Variants in UNC13C observed in about 807,000 individuals in gnomAD.
UNC13C encodes the protein unc-13 homolog C.
Under a neutral mutation model 245.4 loss-of-function variants are expected in UNC13C, and 174 were observed. That is an observed-to-expected ratio of 0.71 (90% confidence interval 0.63 to 0.80). The LOEUF is 0.80. Among genes scored for constraint, UNC13C ranks in the 30% least tolerant of loss-of-function variants. The pLI is 0.00. For missense variants in UNC13C, 2,829 were observed against 2,602.9 expected (o/e 1.09, Z -1.89); for synonymous variants, 992 against 895.1 (o/e 1.11, Z -1.93).
rs1894111763 is a variant in UNC13C at position 54,499,696 on chromosome 15, G to A, written c.5061-383G>A. Among the ~76,000 whole-genome samples, 3 of 152,094 alleles carry A rather than the reference G, an allele frequency of 2.0e-5. No individual in the cohort carries two copies. In the South Asian group the frequency reaches 6.2e-4, roughly 31 times the overall value. On this transcript the variant is annotated intron_variant, in intron 20 of 32. Coordinates refer to ENST00000260323, the MANE Select transcript of UNC13C (RefSeq NM_001080534.3). The stretch of plus-strand genomic sequence containing the variant: ...GAGTCTGAGGTAAGCACCCACGATC[G>A]GTTACAGATTAGTGTGAATGGGTAG...
At chr15:54,378,503 C>G (rs1348821116) in intron 17 of UNC13C, among the ~76,000 whole-genome samples, 2 of 151,926 alleles carry the variant, frequency 1.3e-5, no homozygotes, top group Non-Finnish European at 2.9e-5. Flanking sequence ...TCAATTACTA[C>G]AGCATATACC....
At chr15:54,165,412 AC>A (rs940317596) in intron 4 of UNC13C, among the ~76,000 whole-genome samples, 3 of 152,130 alleles carry the variant, frequency 2.0e-5, no homozygotes, top group Admixed American at 6.5e-5. Context: ...TTGAATTCTC[AC>A]AACTATATTA....
At chr15:54,125,701 T>A (rs985109654) in intron 2 of UNC13C, among the ~76,000 whole-genome samples, 1 of 152,210 alleles carries the variant, frequency 6.6e-6, no homozygotes, top group Admixed American at 6.5e-5. Flanking sequence ...AGTGTCAGAT[T>A]TTGCTTTATC....
chr15:54,114,403 A>G (rs1044578137), intron 2 of UNC13C, among the ~76,000 whole-genome samples: 4 of 152,146 alleles, frequency 2.6e-5, no homozygotes, highest in African/African-American at 4.8e-5. Flanking sequence ...CTATTCATAA[A>G]TATAGTAGAA....
At chr15:53,945,997 C>G in the UNC13C span, among the ~76,000 whole-genome samples, 24 of 152,052 alleles carry the variant, frequency 1.6e-4, no homozygotes, top group African/African-American at 5.5e-4. Flanking sequence ...GTTTTTTATT[C>G]TTTTTGTAGC....
intron 4 of UNC13C, among the ~76,000 whole-genome samples, chr15:54,181,380 C>A (rs1414644605): frequency 6.6e-6 from 1 of 152,034 alleles, no homozygotes; most frequent in Non-Finnish European, 1.5e-5. Context: ...GTACAAGTAC[C>A]AAGCTGCTTT....
chr15:54,494,664 G>T lies in UNC13C; in HGVS notation c.4990G>T (p.Val1664Phe). The change falls in exon 20 of 33, where the codon GTT becomes TTT. Residue 1664 changes from valine to phenylalanine, a missense_variant. By Grantham distance (50) the Val-to-Phe change is conservative. Coordinates refer to ENST00000260323, the MANE Select transcript of UNC13C (RefSeq NM_001080534.3). ...STDYMNLHFK[V>F]KWFYNEYVRE... Reference sequence around the variant, plus strand: ...CGATTATATGAATTTGCATTTCAAAGTTAAATGGTTTTATAATGAATATGT... The same window carrying T: ...CGATTATATGAATTTGCATTTCAAATTTAAATGGTTTTATAATGAATATGT... The T allele has an allele frequency of 6.2e-7, 1 of 1,611,536 alleles. No homozygotes were observed. Among genetic ancestry groups the T allele is most frequent in the South Asian group, 1.1e-5 (1 of 90,536 alleles).
At chr15:53,898,270 T>TA in the UNC13C span, among the ~76,000 whole-genome samples, 5 of 152,286 alleles carry the variant, frequency 3.3e-5, no homozygotes, top group East Asian at 9.6e-4. Context: ...CAATTATTTT[T>TA]AAACCAGTCA....
At chr15:54,315,598 C>T (rs1427239786) in intron 13 of UNC13C, among the ~76,000 whole-genome samples, 1 of 151,452 alleles carries the variant, frequency 6.6e-6, no homozygotes, top group East Asian at 1.9e-4. Flanking sequence ...TAATCTTATC[C>T]TTTCTCATGG....
At chr15:54,420,380 C>A (rs945275117) in intron 19 of UNC13C, among the ~76,000 whole-genome samples, 8 of 151,912 alleles carry the variant, frequency 5.3e-5, no homozygotes, top group Non-Finnish European at 1.2e-4. Context: ...CTAGCTTTTC[C>A]CAAAGTGGGC....
chr15:54,288,483 C>G (rs758485789), intron 10 of UNC13C, among the ~76,000 whole-genome samples: 7 of 151,560 alleles, frequency 4.6e-5, no homozygotes, highest in Non-Finnish European at 7.4e-5. Flanking sequence ...GGGAGATGCT[C>G]TACTTGGAGT....
chr15:54,236,517 G>C, intron 6 of UNC13C, 82 bp downstream of exon 6: 1 of 1,056,026 alleles, frequency 9.5e-7, no homozygotes, highest in Non-Finnish European at 1.4e-6. Context: ...GTAAAAGAGG[G>C]CAAGAATGGA....
intron 4 of UNC13C, among the ~76,000 whole-genome samples, chr15:54,193,780 T>C (rs556372157): frequency 5.3e-5 from 8 of 152,220 alleles, no homozygotes; most frequent in Non-Finnish European, 1.2e-4. Flanking sequence ...AAGATTTCCC[T>C]GTTACCTGCA....
chr15:54,447,655 TTC>T (rs1342098663), intron 19 of UNC13C, among the ~76,000 whole-genome samples: 2 of 152,218 alleles, frequency 1.3e-5, no homozygotes, highest in African/African-American at 2.4e-5. Flanking sequence ...TATTTGATTC[TTC>T]TCTCTTTTCT....
At chr15:54,191,820 T>A (rs1204582894) in intron 4 of UNC13C, among the ~76,000 whole-genome samples, 1 of 152,218 alleles carries the variant, frequency 6.6e-6, no homozygotes, top group Non-Finnish European at 1.5e-5. Flanking sequence ...GAGCTTTTTT[T>A]TCATATGTTT....
intron 10 of UNC13C, among the ~76,000 whole-genome samples, chr15:54,287,374 C>G (rs368966251): frequency 6.6e-6 from 1 of 152,142 alleles, no homozygotes; most frequent in Non-Finnish European, 1.5e-5. Flanking sequence ...AGTTCTTAAA[C>G]TTATTTAAAT....
At chr15:54,191,032 G>A (rs984637335) in intron 4 of UNC13C, among the ~76,000 whole-genome samples, 2 of 151,962 alleles carry the variant, frequency 1.3e-5, no homozygotes, top group African/African-American at 4.8e-5. Context: ...CAATTTTTTA[G>A]TTTAGTTCCT....
the UNC13C span, among the ~76,000 whole-genome samples, chr15:53,862,100 C>G: frequency 3.3e-5 from 5 of 152,040 alleles, no homozygotes; most frequent in Non-Finnish European, 7.4e-5. Flanking sequence ...GCTAGAAGTC[C>G]AAGATCAGAG....
At chr15:54,128,110 A>G (rs1475237749) in intron 2 of UNC13C, among the ~76,000 whole-genome samples, 2 of 152,192 alleles carry the variant, frequency 1.3e-5, no homozygotes, top group African/African-American at 4.8e-5. Flanking sequence ...CAGCATTTCT[A>G]TACACCAACA....
Sources: gnomAD v4.1 joint callset for allele counts (sites outside exome capture counted in the v4.1 genomes callset) on GRCh38, gnomAD v4.1.1 for gene constraint, MANE v1.5 for transcripts, NCBI Gene and HGNC (gene_info 2026-07-23, HGNC 2026-07-21) for gene names.